Variants in RGS4 observed in about 807,000 individuals in gnomAD.
RGS4 encodes the protein regulator of G protein signaling 4, also known as schizophrenia disorder 9.
In RGS4, 15 loss-of-function variants were observed where a neutral mutation model predicts 21.6. The ratio of observed to expected loss-of-function variants is 0.69; its 90% CI spans 0.46 to 1.07. The LOEUF (loss-of-function observed/expected upper bound fraction) is 1.07. RGS4 is among the 50% of genes least tolerant of loss of function. The pLI, the probability that RGS4 is intolerant of heterozygous loss-of-function variation, is 0.00. For missense variants in RGS4, 237 were observed against 239.0 expected, an observed-to-expected ratio of 0.99 and a Z score of 0.06; for synonymous variants, 94 against 85.5, an observed-to-expected ratio of 1.10 and a Z score of -0.55.
At chr1:163,070,656 C>T (rs1355434349) in intron 1 of RGS4, 1 of 152,108 alleles carries the variant, frequency 6.6e-6, no homozygotes, top group Non-Finnish European at 1.5e-5. Context: ...TCAAGCTTCA[C>T]TTAACTTGCA....
At position 163,073,697 on chromosome 1, in the gene RGS4, T is replaced by A. The variant is rs1219355483; in HGVS notation, c.378+75T>A. The A allele has an allele frequency of 6.2e-6, 6 of 967,474 alleles. No individual in the cohort carries two copies. The South Asian group carries it at 9.0e-5, about 15-fold the overall frequency. 59.9% of individuals were successfully genotyped at this position (967,474 alleles called of 1,614,324 possible). On this transcript the variant is annotated intron_variant, in intron 4 of 4. Coordinates refer to ENST00000367909, the MANE Select transcript of RGS4 (RefSeq NM_005613.6). Reference sequence around the variant, plus strand: ...GTGATATTTTGATACATGCATACAATGTGATAACAATCAAATCAGGGCAAT... The same window carrying A: ...GTGATATTTTGATACATGCATACAAAGTGATAACAATCAAATCAGGGCAAT...
In RGS4 at chr1:163,075,227, T is replaced by A. The variant is rs2102346150; in HGVS notation, c.*667T>A. ...TTGATCTCTGTTCTTTCATACTACA[T>A]TTGAACAGGGCAAAATGAACTAACT... On this transcript the variant is annotated 3_prime_UTR_variant, in exon 5 of 5. Transcript: ENST00000367909. 1 of 153,398 alleles carries A rather than the reference T, an allele frequency of 6.5e-6. No homozygotes were observed. The highest frequency in any genetic ancestry group is 6.4e-5 in the Admixed American group (1 of 15,506). 9.5% of individuals were successfully genotyped at this position (153,398 alleles called of 1,614,324 possible).
upstream of RGS4, chr1:163,069,059 A>G: frequency 1.3e-6 from 2 of 1,540,714 alleles, no homozygotes; most frequent in South Asian, 1.2e-5. Context: ...TTTTTTTTTT[A>G]CAGGCATATG....
rs1655477570 is a variant in RGS4 at position 163,075,803 on chromosome 1, T to A, written c.*1243T>A. On this transcript the variant is annotated 3_prime_UTR_variant, in exon 5 of 5. Transcript: ENST00000367909. The stretch of plus-strand genomic sequence containing the variant: ...ACCAGCAGCAGGGGAAAGATTATAT[T>A]TTATAAGAGGGAACAAATTTTCACA... The A allele has an allele frequency of 6.6e-6, 1 of 152,364 alleles. No individual in the cohort carries two copies. Among genetic ancestry groups the A allele is most frequent in the Non-Finnish European group, 1.5e-5 (1 of 68,030 alleles). The allele number at this position is 152,364 out of a possible 1,614,324, so 9.4% of individuals were successfully genotyped here. A position where few individuals can be genotyped will look rare whatever the true frequency, so the allele number is the denominator to read the frequency against.
rs1418225294 is a variant in RGS4 at position 163,076,207 on chromosome 1, A to G, written c.*1647A>G. Reference sequence around the variant, plus strand: ...TCAAAGTGCACACACACGCGTCCACATACACTGCATTCGTTGCTCCAGTAT... The same window carrying G: ...TCAAAGTGCACACACACGCGTCCACGTACACTGCATTCGTTGCTCCAGTAT... On this transcript the variant is annotated 3_prime_UTR_variant, in exon 5 of 5. Transcript: ENST00000367909. 1 of 152,594 alleles carries G rather than the reference A, an allele frequency of 6.6e-6. No individual in the cohort carries two copies. The highest frequency in any genetic ancestry group is 1.5e-5 in the Non-Finnish European group (1 of 68,032). The allele number at this position is 152,594 out of a possible 1,614,324, so 9.5% of individuals were successfully genotyped here.
intron 1 of RGS4, chr1:163,070,759 C>T (rs1424190868): frequency 1.3e-5 from 2 of 152,158 alleles, no homozygotes; most frequent in African/African-American, 4.8e-5. Flanking sequence ...AATACTAGAG[C>T]TCTGTCCTCA....
chr1:163,069,100 CT>C (rs933321490), upstream of RGS4: 43 of 1,510,984 alleles, frequency 2.8e-5, no homozygotes, highest in South Asian at 4.0e-5. Context: ...GCATTGTACA[CT>C]TTTTTTCCTT....
intron 3 of RGS4, 36 bp downstream of exon 3, chr1:163,072,902 G>A: frequency 6.4e-7 from 1 of 1,556,798 alleles, no homozygotes; most frequent in East Asian, 2.2e-5. Flanking sequence ...AGGTACTCTG[G>A]ATAAGACAAG....
Position 163,074,551 on chromosome 1 carries a change from G to T in RGS4, c.609G>T (p.Gln203His), listed in dbSNP as rs1655434561. Residue 203 changes from glutamine to histidine, a missense_variant, in exon 5 of 5, where the codon CAG (glutamine) becomes CAT (histidine). Coordinates refer to ENST00000367909, the MANE Select transcript of RGS4 (RefSeq NM_005613.6). The stretch of plus-strand genomic sequence containing the variant: ...CAGACTGTGCTTCCCTGGTCCCTCA[G>T]TGTGCCTAATTCTCACCTGAAGGCA... The part of the protein sequence containing the change: ...SSADCASLVP[Q>H]CA The T allele has an allele frequency of 1.2e-6, 2 of 1,613,784 alleles. No individual in the cohort carries two copies. Among genetic ancestry groups the T allele is most frequent in the African/African-American group, 2.7e-5 (2 of 74,904 alleles).
In RGS4 at chr1:163,069,397, A is replaced by G; in HGVS notation, c.-88A>G. On this transcript the variant is annotated 5_prime_UTR_variant, in exon 1 of 5. Coordinates refer to ENST00000367909, the MANE Select transcript of RGS4 (RefSeq NM_005613.6). ...AGGATTCTGACAATATCTTTACCGGAGAAGAGGCAAAGTACGCTCAAAGCC... is the reference window on the plus strand; with the variant it reads ...AGGATTCTGACAATATCTTTACCGGGGAAGAGGCAAAGTACGCTCAAAGCC... The G allele has an allele frequency of 6.3e-7, 1 of 1,598,678 alleles. No individual in the cohort carries two copies. Among genetic ancestry groups the G allele is most frequent in the East Asian group, 2.3e-5 (1 of 44,092 alleles).
At chr1:163,070,807 G>A (rs1178061780) in intron 1 of RGS4, 2 of 152,150 alleles carry the variant, frequency 1.3e-5, no homozygotes, top group Non-Finnish European at 2.9e-5. Context: ...TAAACTCTAT[G>A]TCAGCAGGAT....
intron 1 of RGS4, 84 bp downstream of exon 1, chr1:163,069,612 T>C (rs1412200012): frequency 9.0e-7 from 1 of 1,109,058 alleles, no homozygotes; most frequent in Non-Finnish European, 1.3e-6. Context: ...ACTAACCTAG[T>C]TCTGTGCAAT....
intron 1 of RGS4, 80 bp downstream of exon 1, chr1:163,069,608 C>T (rs1309215803): frequency 2.5e-6 from 3 of 1,182,142 alleles, no homozygotes; most frequent in Non-Finnish European, 2.4e-6. Flanking sequence ...ACTTACTAAC[C>T]TAGTTCTGTG....
chr1:163,070,197 T>C (rs946887796), intron 1 of RGS4, among the ~76,000 whole-genome samples: 3 of 152,182 alleles, frequency 2.0e-5, no homozygotes, highest in African/African-American at 7.2e-5. Context: ...AGACATTGTT[T>C]TGTTAATATA....
At chr1:163,069,018 C>T (rs1461398723), upstream of RGS4, 3 of 1,589,504 alleles carry the variant, frequency 1.9e-6, no homozygotes, top group Non-Finnish European at 2.6e-6. Flanking sequence ...CCTGCTGGTA[C>T]TTTTCCTTCC....
intron 3 of RGS4, 115 bp from the exon 4 acceptor site, chr1:163,073,341 A>C (rs959098476): frequency 1.2e-6 from 1 of 825,040 alleles, no homozygotes; most frequent in Non-Finnish European, 1.8e-6. Context: ...CAGGGGAAAA[A>C]GGGATTGCTT....
rs1655291036 is a variant in RGS4, at chr1:163,071,280, T to A, written c.45-1115T>A. ...AGAGAAAATACTATTTAAGGGACAG[T>A]CAGAGAACATAATGGAATTCAAACT... is the stretch of plus-strand genomic sequence containing the variant. On this transcript the variant is annotated intron_variant, in intron 1 of 4. Transcript: ENST00000367909. 2.0e-5 allele frequency among the ~76,000 whole-genome samples: 3 copies of A among 152,188 alleles called. No individual in the cohort carries two copies. In the South Asian group the frequency reaches 6.2e-4, roughly 32 times the overall value.
chr1:163,074,357 C>T lies in RGS4; in HGVS notation c.415C>T (p.Arg139Trp), dbSNP rs376893352. The T allele has an allele frequency of 1.2e-4, 188 of 1,613,820 alleles. 1 individual carries two copies. The East Asian group carries it at 2.1e-3, about 18-fold the overall frequency. The part of the protein sequence containing the change: ...LDSCTREETS[R>W]NMLEPTITCF... ...TTCTTGCACCAGGGAAGAGACAAGC[C>T]GGAACATGCTAGAGCCTACAATAAC... The change falls in exon 5 of 5, where the codon CGG becomes TGG. Residue 139 changes from arginine to tryptophan, a missense_variant. Coordinates refer to ENST00000367909, the MANE Select transcript of RGS4 (RefSeq NM_005613.6).
Position 163,072,457 on chromosome 1 carries a change from A to G in RGS4, c.107A>G (p.Asn36Ser). Residue 36 changes from asparagine (N) to serine (S), a missense_variant, in exon 2 of 5, where the codon AAT becomes AGT. By Grantham distance (46) the Asn-to-Ser change is conservative (BLOSUM62 1). Transcript: ENST00000367909. Reference protein sequence around the residue: ...LLQKSDSCEHNSSHNKKDKVV... With the variant: ...LLQKSDSCEHSSSHNKKDKVV... Reference sequence around the variant, plus strand: ...CAAAAATCTGATTCCTGTGAACACAATTCTTCCCACAACAAGAAGGACAAA... The same window carrying G: ...CAAAAATCTGATTCCTGTGAACACAGTTCTTCCCACAACAAGAAGGACAAA... 1.9e-6 allele frequency: 3 copies of G among 1,613,266 alleles called. No individual in the cohort carries two copies. Among genetic ancestry groups the G allele is most frequent in the Non-Finnish European group, 2.5e-6 (3 of 1,179,520 alleles).
Sources: allele counts gnomAD v4.1 joint callset (sites outside exome capture counted in the v4.1 genomes callset), GRCh38; gene constraint gnomAD v4.1.1; transcripts MANE v1.5; gene names NCBI Gene and HGNC (gene_info 2026-07-23, HGNC 2026-07-21).